Variants in APOOL observed in about 807,000 individuals in gnomAD.
The protein encoded by APOOL is apolipoprotein O like, also known as MICOS complex subunit MIC27.
APOOL carries 12 observed loss-of-function variants against 23.1 expected under a neutral mutation model. The ratio of observed to expected loss-of-function variants is 0.52; its 90% confidence interval spans 0.33 to 0.84. APOOL has a LOEUF of 0.84. APOOL is among the 40% of genes least tolerant of loss of function. APOOL has a pLI of 0.02. For missense variants in APOOL, 212 were observed against 199.6 expected (o/e 1.06, Z -0.37); for synonymous variants, 77 against 69.9 (o/e 1.10, Z -0.51).
chrX:85,004,326 A>T (rs1209620885), intron 1 of APOOL, among the ~76,000 whole-genome samples: 1 of 112,109 alleles, frequency 8.9e-6, no homozygotes, highest in Non-Finnish European at 1.9e-5. Context: ...CTATGGAAGG[A>T]CTTTGTTGAA....
intron 5 of APOOL, among the ~76,000 whole-genome samples, chrX:85,061,877 C>T (rs1406558061): frequency 9.0e-6 from 1 of 111,350 alleles, no homozygotes; most frequent in Non-Finnish European, 1.9e-5. Flanking sequence ...GTATCTATTT[C>T]CTTCAGTTCT....
At position 85,046,564 on chromosome X, in the gene APOOL, A is replaced by C. The variant is rs759984243; in HGVS notation, c.120+14A>C. 1 of 1,152,930 alleles carries C rather than the reference A, an allele frequency of 8.7e-7. No homozygotes were observed. The highest frequency in any genetic ancestry group is 1.2e-6 in the Non-Finnish European group (1 of 846,397). On this transcript the variant is annotated intron_variant, in intron 2 of 8. Coordinates refer to ENST00000373173, the MANE Select transcript of APOOL (RefSeq NM_198450.6). ...AAACCAGAGCAGGTAATTTGCCTAC[A>C]AAGGTTTATGAACTTTGTATAATAT...
At chrX:85,057,776 T>C (rs998173181) in intron 5 of APOOL, among the ~76,000 whole-genome samples, 1 of 109,778 alleles carries the variant, frequency 9.1e-6, no homozygotes, top group Non-Finnish European at 1.9e-5. Flanking sequence ...TCTAATTGAA[T>C]AAGTATTATA....
At chrX:85,066,483 T>A (rs1298648547) in intron 5 of APOOL, among the ~76,000 whole-genome samples, 1 of 111,426 alleles carries the variant, frequency 9.0e-6, no homozygotes, top group Non-Finnish European at 1.9e-5. Context: ...GAGATTCTAT[T>A]TGAAAGATAT....
chrX:85,062,190 C>G (rs1402028011), intron 5 of APOOL, among the ~76,000 whole-genome samples: 2 of 111,101 alleles, frequency 1.8e-5, no homozygotes, highest in Non-Finnish European at 3.8e-5. Flanking sequence ...TGTTCATGTC[C>G]TTTGCCTATT....
intron 1 of APOOL, among the ~76,000 whole-genome samples, chrX:85,015,869 A>G (rs1921454612): frequency 9.0e-6 from 1 of 111,059 alleles, no homozygotes; most frequent in African/African-American, 3.3e-5. Context: ...TGCCCGGCCC[A>G]GACTTTAATA....
chrX:85,060,901 G>A (rs753722081), intron 5 of APOOL, among the ~76,000 whole-genome samples: 33 of 111,187 alleles, frequency 3.0e-4, no homozygotes, highest in Admixed American at 1.3e-3. Context: ...GCCCTGGCCG[G>A]AACTTCCAAC....
intron 2 of APOOL, among the ~76,000 whole-genome samples, chrX:85,049,183 A>C (rs756612557): frequency 1.3e-4 from 15 of 111,892 alleles, no homozygotes; most frequent in Admixed American, 3.8e-4. Flanking sequence ...AAATGAGAAC[A>C]TACAAGTTCT....
chrX:85,058,428 T>C (rs1923055869), intron 5 of APOOL, among the ~76,000 whole-genome samples: 1 of 111,990 alleles, frequency 8.9e-6, no homozygotes, highest in South Asian at 3.7e-4. Context: ...GGCTACATAG[T>C]ATTCCATGGT....
At position 85,068,676 on chromosome X, in the gene APOOL, G is replaced by A. The variant is rs575440353; in HGVS notation, c.486+1458G>A. 9.0e-5 allele frequency among the ~76,000 whole-genome samples: 10 copies of A among 111,109 alleles called. No homozygotes were observed. The East Asian group carries it at 2.0e-3, about 22-fold the overall frequency. On this transcript the variant is annotated intron_variant, in intron 6 of 8. Coordinates refer to ENST00000373173, the MANE Select transcript of APOOL (RefSeq NM_198450.6). Reference sequence around the variant, plus strand: ...CCGCCTCGGCCTCCCAAAGTGCTGGGATTACAGGCGTGAGCCACCGTGCCC... The same window carrying A: ...CCGCCTCGGCCTCCCAAAGTGCTGGAATTACAGGCGTGAGCCACCGTGCCC...
intron 1 of APOOL, among the ~76,000 whole-genome samples, chrX:85,036,956 A>G (rs1027296567): frequency 9.0e-6 from 1 of 111,386 alleles, no homozygotes; most frequent in Admixed American, 9.6e-5. Flanking sequence ...AAGTGAAAAC[A>G]TACAATATTT....
At chrX:85,070,991 A>G (rs1457482274) in intron 6 of APOOL, among the ~76,000 whole-genome samples, 1 of 111,818 alleles carries the variant, frequency 8.9e-6, no homozygotes, top group Non-Finnish European at 1.9e-5. Context: ...TTTAACCATT[A>G]AAAACGGAAA....
At chrX:85,082,914 G>A (rs1208999067) in intron 8 of APOOL, among the ~76,000 whole-genome samples, 1 of 111,730 alleles carries the variant, frequency 9.0e-6, no homozygotes, top group Non-Finnish European at 1.9e-5. Context: ...CCTCTTAAGG[G>A]CAAAATCGAA....
intron 8 of APOOL, 109 bp downstream of exon 8, chrX:85,074,500 C>CT: frequency 1.1e-6 from 1 of 919,606 alleles, no homozygotes; most frequent in Admixed American, 3.2e-5. Flanking sequence ...AATATTTTGT[C>CT]TTTCTCATAT....
At chrX:85,009,855 A>G (rs761504962) in intron 1 of APOOL, among the ~76,000 whole-genome samples, 1 of 110,839 alleles carries the variant, frequency 9.0e-6, no homozygotes, top group East Asian at 2.8e-4. Flanking sequence ...TCATCATTTA[A>G]GTTCTCATCA....
intron 1 of APOOL, among the ~76,000 whole-genome samples, chrX:85,009,842 T>C (rs1921217184): frequency 9.0e-6 from 1 of 110,802 alleles, no homozygotes; most frequent in Admixed American, 9.6e-5. Context: ...TGTTTGTAAG[T>C]TCTCATCATT....
intron 1 of APOOL, among the ~76,000 whole-genome samples, chrX:85,011,905 T>G (rs1281231653): frequency 8.9e-6 from 1 of 111,812 alleles, no homozygotes; most frequent in African/African-American, 3.2e-5. Flanking sequence ...TTGATGTGAA[T>G]TGTATTGAAT....
chrX:85,007,732 C>T (rs1243714063), intron 1 of APOOL, among the ~76,000 whole-genome samples: 10 of 111,233 alleles, frequency 9.0e-5, no homozygotes, highest in Admixed American at 5.7e-4. Flanking sequence ...AGCCAAGTTT[C>T]ATTTAATGCC....
At chrX:85,076,954 A>T (rs1923855361) in intron 8 of APOOL, among the ~76,000 whole-genome samples, 1 of 63,044 alleles carries the variant, frequency 1.6e-5, no homozygotes, top group South Asian at 1.2e-3. Flanking sequence ...CTGTATGCCA[A>T]CTCTGACTAT....
Sources: allele counts gnomAD v4.1 joint callset (sites outside exome capture counted in the v4.1 genomes callset), GRCh38; gene constraint gnomAD v4.1.1; transcripts MANE v1.5; gene names NCBI Gene and HGNC (gene_info 2026-07-23, HGNC 2026-07-21).